The following NDUFA7 variants were observed in gnomAD, a reference collection of about 807,000 sequenced individuals.
NDUFA7 encodes the protein NADH:ubiquinone oxidoreductase subunit A7, also known as NADH dehydrogenase [ubiquinone] 1 alpha subcomplex subunit 7.
In NDUFA7, 18 loss-of-function variants were observed where a neutral mutation model predicts 14.2. The ratio of observed to expected loss-of-function variants is 1.27; its 90% CI spans 0.88 to 1.88. The LOEUF (loss-of-function observed/expected upper bound fraction) is 1.88, where lower values mean the gene tolerates loss of function less well. Among genes scored for constraint, NDUFA7 ranks in the 40% most tolerant of loss-of-function variants. NDUFA7 has a pLI of 0.00. For synonymous variants in NDUFA7, 75 were observed against 62.1 expected, an observed-to-expected ratio of 1.21 and a Z score of -0.98; for missense variants, 172 against 147.3, an observed-to-expected ratio of 1.17 and a Z score of -0.87.
At chr19:8,311,977 A>G (rs1348031681) in intron 3 of NDUFA7, among the ~76,000 whole-genome samples, 1 of 152,240 alleles carries the variant, frequency 6.6e-6, no homozygotes. Flanking sequence ...ATCAGGTGAC[A>G]ATGGCCTCCA....
chr19:8,310,289 G>C (rs182529797), downstream of NDUFA7, among the ~76,000 whole-genome samples: 89 of 147,526 alleles, frequency 6.0e-4, 1 homozygote, highest in Admixed American at 5.9e-4. Context: ...AATTAGCTGG[G>C]CTTGTGGCAG....
At chr19:8,316,354 A>G in intron 3 of NDUFA7, 142 bp downstream of exon 3, 1 of 1,276,896 alleles carries the variant, frequency 7.8e-7, no homozygotes. Context: ...TCTCGGACAA[A>G]AAGCTCCCAG....
chr19:8,320,088 T>A (rs1970283883), intron 2 of NDUFA7, among the ~76,000 whole-genome samples: 1 of 152,050 alleles, frequency 6.6e-6, no homozygotes, highest in Non-Finnish European at 1.5e-5. Flanking sequence ...ACTCCTGACC[T>A]CGTGATCCGC....
chr19:8,321,042 G>A lies in NDUFA7; in HGVS notation c.52-136C>T, dbSNP rs944993735. The A allele has an allele frequency of 4.8e-6, 5 of 1,048,024 alleles. No individual in the cohort carries two copies. In the African/African-American group the frequency reaches 6.3e-5, roughly 13 times the overall value. 64.9% of individuals were successfully genotyped at this position (1,048,024 alleles called of 1,614,324 possible). ...GGGATGAACACTCGGGGAAACGGAT[G>A]TGGGTCCTGCAGGTGAAGAGCAAAG... On this transcript the variant is annotated intron_variant, in intron 1 of 3. Coordinates refer to ENST00000301457, the MANE Select transcript of NDUFA7 (RefSeq NM_005001.5).
chr19:8,312,562 C>T (rs549441053), intron 3 of NDUFA7, among the ~76,000 whole-genome samples: 33 of 152,230 alleles, frequency 2.2e-4, no homozygotes, highest in Admixed American at 1.4e-3. Flanking sequence ...TTCACTGCAA[C>T]GTCCGCCTCC....
At chr19:8,310,516 A>G (rs897434426), downstream of NDUFA7, 1 of 151,966 alleles carries the variant, frequency 6.6e-6, no homozygotes, top group Non-Finnish European at 1.5e-5. Flanking sequence ...GGTCTTCACA[A>G]TCAATGCTCC....
intron 2 of NDUFA7, among the ~76,000 whole-genome samples, chr19:8,318,427 C>T (rs1400723905): frequency 6.6e-6 from 1 of 151,646 alleles, no homozygotes; most frequent in Non-Finnish European, 1.5e-5. Context: ...GGATTACAGG[C>T]ATGAGCCACC....
At chr19:8,316,301 G>A (rs1454058948) in intron 3 of NDUFA7, among the ~76,000 whole-genome samples, 195 bp downstream of exon 3, 1 of 152,008 alleles carries the variant, frequency 6.6e-6, no homozygotes, top group Non-Finnish European at 1.5e-5. Flanking sequence ...CTTCATCCTG[G>A]GCAACAGAGC....
downstream of NDUFA7, among the ~76,000 whole-genome samples, chr19:8,309,802 C>T (rs965397660): frequency 1.1e-4 from 16 of 152,140 alleles, no homozygotes; most frequent in Non-Finnish European, 1.8e-4. Context: ...GGGGCTGTGC[C>T]CTGGGGAAGC....
At chr19:8,315,896 T>A (rs1410468210) in intron 3 of NDUFA7, among the ~76,000 whole-genome samples, 2 of 151,962 alleles carry the variant, frequency 1.3e-5, no homozygotes, top group Non-Finnish European at 2.9e-5. Flanking sequence ...GGGTCACGCC[T>A]GTAATCCTAG....
At chr19:8,315,652 AAGGGAACTCAG>A (rs1970224067) in intron 3 of NDUFA7, among the ~76,000 whole-genome samples, 1 of 152,052 alleles carries the variant, frequency 6.6e-6, no homozygotes, top group South Asian at 2.1e-4. Context: ...AATAAATACT[AAGGGAACTCAG>A]AGGCCGGGTG....
rs780171164 is a variant in NDUFA7, at chr19:8,316,506, GCTTGC to G, written c.236_240del (p.Gly79AlafsTer11). ...GCTGGAGATCCTCACCTCTCTGCTG[GCTTGC>G]CTGACACCAGCGCCTTCTGCGACGA... On this transcript the variant is annotated frameshift_variant, in exon 3 of 4. Coordinates refer to ENST00000301457, the MANE Select transcript of NDUFA7 (RefSeq NM_005001.5). LOFTEE classifies it high-confidence loss of function. The G allele has an allele frequency of 1.2e-6, 2 of 1,613,932 alleles. No homozygotes were observed. The highest frequency in any genetic ancestry group is 8.5e-7 in the Non-Finnish European group (1 of 1,179,954).
chr19:8,312,504 A>G (rs1170958656), intron 3 of NDUFA7, among the ~76,000 whole-genome samples: 1 of 152,198 alleles, frequency 6.6e-6, no homozygotes, highest in Non-Finnish European at 1.5e-5. Flanking sequence ...TTTTTGAGAC[A>G]GACTCTTGCT....
chr19:8,320,734 C>A, intron 2 of NDUFA7, 123 bp downstream of exon 2: 1 of 1,213,850 alleles, frequency 8.2e-7, no homozygotes, highest in Non-Finnish European at 1.2e-6. Flanking sequence ...GCCTCCACAG[C>A]CTGGCAGGGG....
intron 3 of NDUFA7, among the ~76,000 whole-genome samples, chr19:8,315,259 G>T (rs571090610): frequency 6.6e-6 from 1 of 152,104 alleles, no homozygotes; most frequent in Non-Finnish European, 1.5e-5. Context: ...CCCCCAGCCC[G>T]ACACCGGTAA....
chr19:8,311,352 A>G lies in NDUFA7; in HGVS notation c.*153T>C. 1 of 590,538 alleles carries G rather than the reference A, an allele frequency of 1.7e-6. No homozygotes were observed. The highest frequency in any genetic ancestry group is 2.8e-6 in the Non-Finnish European group (1 of 352,948). The allele number at this position is 590,538 out of a possible 1,614,324, so 36.6% of individuals were successfully genotyped here. ...GCCAGGAGTTCAAGATCAGCCTGGG[A>G]AACATGGTGAGACTCTGTCTCTATT... On this transcript the variant is annotated 3_prime_UTR_variant, in exon 4 of 4. Transcript: ENST00000301457.
At chr19:8,308,729 C>A, downstream of NDUFA7, 1 of 231,980 alleles carries the variant, frequency 4.3e-6, no homozygotes, top group Non-Finnish European at 8.5e-6. Flanking sequence ...TTGTCCGAGT[C>A]CCCATAGAAT....
At position 8,311,375 on chromosome 19, in the gene NDUFA7, A is replaced by AT. The variant is rs1428984034; in HGVS notation, c.*129dup. The stretch of plus-strand genomic sequence containing the variant: ...GGAAACATGGTGAGACTCTGTCTCT[A>AT]TTTTTTTATTTTTTAAAGTAAAACT... On this transcript the variant is annotated 3_prime_UTR_variant, in exon 4 of 4. Transcript: ENST00000301457. 1.4e-4 allele frequency: 100 copies of AT among 732,300 alleles called. 1 individual carries two copies. The South Asian group carries it at 1.7e-3, about 13-fold the overall frequency. 45.4% of individuals were successfully genotyped at this position (732,300 alleles called of 1,614,324 possible). A position where few individuals can be genotyped will look rare whatever the true frequency, so the allele number is the denominator to read the frequency against.
intron 3 of NDUFA7, among the ~76,000 whole-genome samples, chr19:8,316,155 A>G (rs893017879): frequency 2.6e-5 from 4 of 151,434 alleles, no homozygotes; most frequent in Admixed American, 1.3e-4. Flanking sequence ...TCTCAAAAAA[A>G]AAAAAAAAAA....
Sources: gnomAD v4.1 joint callset for allele counts (sites outside exome capture counted in the v4.1 genomes callset) on GRCh38, gnomAD v4.1.1 for gene constraint, MANE v1.5 for transcripts, NCBI Gene and HGNC (gene_info 2026-07-23, HGNC 2026-07-21) for gene names.